Variants in ASH1L observed in about 807,000 individuals in gnomAD.
ASH1L encodes the protein histone-lysine N-methyltransferase ASH1L.
Under a neutral mutation model 269.0 loss-of-function variants are expected in ASH1L, and 23 were observed. That is an observed-to-expected ratio of 0.09 (90% CI 0.06 to 0.12). ASH1L has a LOEUF of 0.12. ASH1L is among the 10% of genes least tolerant of loss of function. The pLI is 1.00. For missense variants in ASH1L, 2,912 were observed against 3,567.8 expected (o/e 0.82, Z 4.68); for synonymous variants, 1,187 against 1,253.5 (o/e 0.95, Z 1.12).
chr1:155,553,722 G>A (rs1671371624), intron 1 of ASH1L, among the ~76,000 whole-genome samples: 1 of 151,984 alleles, frequency 6.6e-6, no homozygotes, highest in South Asian at 2.1e-4. Flanking sequence ...AGTATGTATC[G>A]TAGTATGTTT....
At chr1:155,367,670 T>G (rs1655556911) in intron 12 of ASH1L, among the ~76,000 whole-genome samples, 2 of 152,182 alleles carry the variant, frequency 1.3e-5, no homozygotes, top group Non-Finnish European at 1.5e-5. Flanking sequence ...GAGTGTTGAA[T>G]ACTGTTTAAT....
intron 1 of ASH1L, among the ~76,000 whole-genome samples, chr1:155,527,379 C>T (rs767345878): frequency 1.6e-4 from 25 of 152,078 alleles, no homozygotes; most frequent in South Asian, 6.2e-4. Flanking sequence ...CACTGCCACC[C>T]CTCCATAGAA....
At chr1:155,340,168 G>C (rs935201399) in intron 25 of ASH1L, among the ~76,000 whole-genome samples, 4 of 151,860 alleles carry the variant, frequency 2.6e-5, no homozygotes, top group African/African-American at 9.7e-5. Flanking sequence ...ATATTGCTTT[G>C]TTTTCTGGTT....
intron 4 of ASH1L, among the ~76,000 whole-genome samples, chr1:155,456,880 C>T (rs1264461443): frequency 1.3e-5 from 2 of 152,076 alleles, no homozygotes; most frequent in Non-Finnish European, 2.9e-5. Context: ...TGCTATCCAC[C>T]CCCCACCGCC....
rs1321939574 is a variant in ASH1L, at chr1:155,411,582, AATAAATATATATATATATATATAT to A, written c.6008+4138_6008+4161del. On this transcript the variant is annotated intron_variant, in intron 6 of 27. Coordinates refer to ENST00000392403, the MANE Select transcript of ASH1L (RefSeq NM_018489.3). ...ATATAAATATGAATATAAATAAATA[AATAAATATATATATATATATATAT>A]ATATATATATATGTTTTCATCCATG... is the stretch of plus-strand genomic sequence containing the variant. Among the ~76,000 whole-genome samples the A allele has an allele frequency of 3.1e-4, 15 of 48,418 alleles. 1 individual carries two copies. The South Asian group carries it at 3.6e-3, about 12-fold the overall frequency. 31.8% of individuals were successfully genotyped at this position (48,418 alleles called of 152,430 possible).
chr1:155,435,239 G>C (rs983259991), intron 5 of ASH1L, among the ~76,000 whole-genome samples: 1 of 152,100 alleles, frequency 6.6e-6, no homozygotes, highest in Non-Finnish European at 1.5e-5. Flanking sequence ...CTAATCAATA[G>C]TACTGAAAGA....
chr1:155,338,803 A>C (rs1420702090), intron 26 of ASH1L, among the ~76,000 whole-genome samples: 1 of 152,220 alleles, frequency 6.6e-6, no homozygotes, highest in Non-Finnish European at 1.5e-5. Flanking sequence ...TCAATAGTCT[A>C]ATATTTTCTC....
chr1:155,465,120 C>T (rs553277338), intron 3 of ASH1L, among the ~76,000 whole-genome samples: 132 of 151,830 alleles, frequency 8.7e-4, no homozygotes, highest in Non-Finnish European at 1.6e-3. Context: ...GACAGTAAAA[C>T]AGGCAAAGAT....
At chr1:155,370,287 C>CA (rs1251975290) in intron 12 of ASH1L, 8 of 576,868 alleles carry the variant, frequency 1.4e-5, no homozygotes, top group South Asian at 7.3e-5. Flanking sequence ...AAAAGCAAAA[C>CA]AAAAAAACAG....
chr1:155,385,459 TAAATA>T (rs1290372585), intron 7 of ASH1L, among the ~76,000 whole-genome samples: 8 of 152,050 alleles, frequency 5.3e-5, no homozygotes, highest in African/African-American at 1.4e-4. Context: ...ATTAAAATAA[TAAATA>T]AAATAAAATA....
At chr1:155,506,025 T>G (rs1234757146) in intron 2 of ASH1L, among the ~76,000 whole-genome samples, 2 of 152,094 alleles carry the variant, frequency 1.3e-5, no homozygotes, top group Non-Finnish European at 2.9e-5. Context: ...TGTGTGATGT[T>G]TCCCACCCTG....
intron 10 of ASH1L, among the ~76,000 whole-genome samples, chr1:155,372,440 C>G (rs1373301732): frequency 1.3e-5 from 2 of 151,826 alleles, no homozygotes; most frequent in Non-Finnish European, 2.9e-5. Flanking sequence ...TCCCAAGTAG[C>G]TGGGATTACA....
chr1:155,403,196 A>G (rs2148504332), intron 6 of ASH1L, among the ~76,000 whole-genome samples: 1 of 152,154 alleles, frequency 6.6e-6, no homozygotes, highest in African/African-American at 2.4e-5. Context: ...AAAAAAAAAA[A>G]AGAGCTGGTG....
At chr1:155,401,887 G>A (rs975942843) in intron 6 of ASH1L, among the ~76,000 whole-genome samples, 3 of 151,858 alleles carry the variant, frequency 2.0e-5, no homozygotes, top group Admixed American at 6.6e-5. Flanking sequence ...TCAGGAGTTT[G>A]AGACCAGCCT....
chr1:155,464,711 T>C (rs921027168), intron 3 of ASH1L, among the ~76,000 whole-genome samples: 2 of 152,056 alleles, frequency 1.3e-5, no homozygotes, highest in Non-Finnish European at 2.9e-5. Context: ...AAAACCAAAC[T>C]TGCAAATGTG....
At chr1:155,535,887 A>G (rs1373794547) in intron 1 of ASH1L, among the ~76,000 whole-genome samples, 2 of 151,836 alleles carry the variant, frequency 1.3e-5, no homozygotes, top group African/African-American at 4.8e-5. Context: ...AATCCCAGCT[A>G]CTCAGGACGC....
intron 5 of ASH1L, among the ~76,000 whole-genome samples, chr1:155,422,182 G>C (rs1660739971): frequency 6.6e-6 from 1 of 152,054 alleles, no homozygotes; most frequent in Non-Finnish European, 1.5e-5. Context: ...CCGTCAACCA[G>C]GCTGGAGTGC....
intron 7 of ASH1L, among the ~76,000 whole-genome samples, chr1:155,383,118 C>G (rs1320398397): frequency 6.6e-6 from 1 of 152,180 alleles, no homozygotes; most frequent in Non-Finnish European, 1.5e-5. Context: ...TTTTCTTGTA[C>G]AGCTGTACAA....
At chr1:155,520,955 G>T in intron 2 of ASH1L, 145 bp downstream of exon 2, 1 of 772,004 alleles carries the variant, frequency 1.3e-6, no homozygotes, top group Non-Finnish European at 2.1e-6. Context: ...CAAGCCTTGG[G>T]GCTTATTTTA....
Sources: allele counts gnomAD v4.1 joint callset (sites outside exome capture counted in the v4.1 genomes callset), GRCh38; gene constraint gnomAD v4.1.1; transcripts MANE v1.5; gene names NCBI Gene and HGNC (gene_info 2026-07-23, HGNC 2026-07-21).